GLIS1: variants seen among roughly 807,000 people sequenced by gnomAD.
GLIS1 encodes the protein zinc finger protein GLIS1.
GLIS1 carries 24 observed loss-of-function variants against 63.8 expected under a neutral mutation model. That is an observed-to-expected ratio of 0.38 (90% CI 0.27 to 0.53). GLIS1 has a LOEUF of 0.53. GLIS1 is among the 20% of genes least tolerant of loss of function. The pLI is 0.85. For synonymous variants in GLIS1, 450 were observed against 482.5 expected, an observed-to-expected ratio of 0.93 and a Z score of 0.88; for missense variants, 1,036 against 1,074.1, an observed-to-expected ratio of 0.96 and a Z score of 0.50.
intron 4 of GLIS1, among the ~76,000 whole-genome samples, chr1:53,552,004 A>T (rs867776217): frequency 2.0e-5 from 3 of 151,280 alleles, no homozygotes. Flanking sequence ...CCCCAATCAC[A>T]CCCCCAAACA....
chr1:53,582,415 A>C (rs1645094566), intron 4 of GLIS1, among the ~76,000 whole-genome samples: 1 of 152,128 alleles, frequency 6.6e-6, no homozygotes, highest in South Asian at 2.1e-4. Context: ...AGACCCTGCT[A>C]GGAGGGAAGG....
chr1:53,686,010 C>T (rs891444955), intron 2 of GLIS1, among the ~76,000 whole-genome samples: 1 of 152,144 alleles, frequency 6.6e-6, no homozygotes, highest in African/African-American at 2.4e-5. Flanking sequence ...TGCCCTTCAT[C>T]TAGTTTCATC....
chr1:53,708,009 G>A (rs78032844), intron 2 of GLIS1, among the ~76,000 whole-genome samples: 2 of 151,786 alleles, frequency 1.3e-5, no homozygotes, highest in Admixed American at 6.5e-5. Context: ...AGCACCAGGC[G>A]CGGTGGCTCA....
rs368818204 is a variant in GLIS1 at position 53,663,817 on chromosome 1, G to A, written c.260-63539C>T. 8.5e-5 allele frequency among the ~76,000 whole-genome samples: 13 copies of A among 152,324 alleles called. No homozygotes were observed. In the East Asian group the frequency reaches 1.7e-3, roughly 20 times the overall value. ...CCACGGCTCCCTCCAGGCCAGCGGC[G>A]GGGCAGCCCCAGGCAATAGCCTTTA... is the stretch of plus-strand genomic sequence containing the variant. On this transcript the variant is annotated intron_variant, in intron 2 of 10. Transcript: ENST00000628545.
intron 2 of GLIS1, 133 bp from the exon 3 acceptor site, chr1:53,600,411 T>C: frequency 2.3e-6 from 1 of 433,544 alleles, no homozygotes. Flanking sequence ...GCATCCCTGC[T>C]GCATGCAAGG....
At chr1:53,625,805 C>T (rs890938295) in intron 2 of GLIS1, among the ~76,000 whole-genome samples, 10 of 152,222 alleles carry the variant, frequency 6.6e-5, no homozygotes, top group Admixed American at 5.9e-4. Flanking sequence ...TCAATCCATC[C>T]GTCTACACAG....
intron 2 of GLIS1, among the ~76,000 whole-genome samples, chr1:53,662,751 A>C (rs2100366465): frequency 6.6e-6 from 1 of 152,120 alleles, no homozygotes; most frequent in East Asian, 1.9e-4. Flanking sequence ...CCCCACCTCT[A>C]ATCAGAGCAT....
intron 2 of GLIS1, among the ~76,000 whole-genome samples, chr1:53,662,053 G>A (rs990563871): frequency 6.6e-6 from 1 of 152,118 alleles, no homozygotes; most frequent in Admixed American, 6.5e-5. Flanking sequence ...TAATCAAGGG[G>A]CTGAACTGCT....
chr1:53,544,273 G>A (rs1007329852), intron 4 of GLIS1, among the ~76,000 whole-genome samples: 1 of 152,102 alleles, frequency 6.6e-6, no homozygotes, highest in African/African-American at 2.4e-5. Context: ...AGGAGCCCGG[G>A]GTTGCCAATA....
chr1:53,625,194 C>G (rs1309059753), intron 2 of GLIS1, among the ~76,000 whole-genome samples: 2 of 152,206 alleles, frequency 1.3e-5, no homozygotes, highest in African/African-American at 2.4e-5. Flanking sequence ...AAAAAATTCC[C>G]TGAGGAGATG....
chr1:53,638,206 G>A (rs1645747414), intron 2 of GLIS1, among the ~76,000 whole-genome samples: 1 of 152,230 alleles, frequency 6.6e-6, no homozygotes, highest in Non-Finnish European at 1.5e-5. Context: ...AGGGGAAGCA[G>A]AGAAGGCACC....
chr1:53,727,223 G>A (rs552499559), intron 2 of GLIS1, among the ~76,000 whole-genome samples: 1 of 152,300 alleles, frequency 6.6e-6, no homozygotes, highest in Admixed American at 6.5e-5. Context: ...ACCCAAAGGG[G>A]GCTTGAATGA....
chr1:53,729,091 AAGTAT>A (rs1646833058), intron 2 of GLIS1, among the ~76,000 whole-genome samples: 1 of 152,230 alleles, frequency 6.6e-6, no homozygotes, highest in Non-Finnish European at 1.5e-5. Flanking sequence ...GAGATACTAA[AAGTAT>A]AGATGCTGTC....
At chr1:53,708,133 A>C (rs552444928) in intron 2 of GLIS1, among the ~76,000 whole-genome samples, 1 of 152,020 alleles carries the variant, frequency 6.6e-6, no homozygotes, top group Non-Finnish European at 1.5e-5. Context: ...ATACAAAAAA[A>C]TTAGCTGGGC....
At chr1:53,662,761 T>A (rs72896773) in intron 2 of GLIS1, among the ~76,000 whole-genome samples, 8,873 of 152,116 alleles carry the variant, frequency 0.058, 370 homozygotes, top group African/African-American at 0.12. Context: ...AATCAGAGCA[T>A]CGTCCTCTGC....
In GLIS1 at chr1:53,526,892, C is replaced by T. The variant is rs939624856; in HGVS notation, c.1483-2005G>A. ...CCGTCCCCAGCCAGCAGCCAAGCTC[C>T]GCCTGGAATGGCCATGTGGGCTGCA... On this transcript the variant is annotated intron_variant, in intron 5 of 10. Coordinates refer to ENST00000628545, the MANE Select transcript of GLIS1 (RefSeq NM_001367484.1). The surrounding 1 kb of genome is among the most constrained non-coding windows in gnomAD (Gnocchi z 4.4). 9.9e-5 allele frequency among the ~76,000 whole-genome samples: 15 copies of T among 152,264 alleles called. No individual in the cohort carries two copies. The highest frequency in any genetic ancestry group is 1.4e-4 in the African/African-American group (6 of 41,468).
intron 2 of GLIS1, among the ~76,000 whole-genome samples, chr1:53,633,223 G>C (rs146320206): frequency 4.0e-5 from 6 of 149,882 alleles, no homozygotes; most frequent in African/African-American, 1.5e-4. Flanking sequence ...GTGTGAATGA[G>C]TGTGACTGGA....
intron 2 of GLIS1, among the ~76,000 whole-genome samples, chr1:53,600,842 A>T (rs1645309758): frequency 6.6e-6 from 1 of 152,264 alleles, no homozygotes; most frequent in South Asian, 2.1e-4. Flanking sequence ...ACAGAAACAC[A>T]GTGTGCAATT....
At chr1:53,736,445 G>C (rs974597423) in intron 2 of GLIS1, among the ~76,000 whole-genome samples, 1 of 152,138 alleles carries the variant, frequency 6.6e-6, no homozygotes, top group Admixed American at 6.5e-5. Flanking sequence ...TTGCAGGAGG[G>C]TATCTATTTA....
Sources: gnomAD v4.1 joint callset for allele counts (sites outside exome capture counted in the v4.1 genomes callset) on GRCh38, gnomAD v4.1.1 for gene constraint, Gnocchi (gnomAD v3.1) non-coding constraint, MANE v1.5 for transcripts, NCBI Gene and HGNC (gene_info 2026-07-23, HGNC 2026-07-21) for gene names.